Variants in FAM13A observed in about 807,000 individuals in gnomAD.
The protein encoded by FAM13A is protein FAM13A.
In FAM13A, 76 loss-of-function variants were observed where a neutral mutation model predicts 129.6. That is an observed-to-expected ratio of 0.59 (90% CI 0.49 to 0.71). The LOEUF (loss-of-function observed/expected upper bound fraction) is 0.71, where lower values mean the gene tolerates loss of function less well. FAM13A is among the 30% of genes least tolerant of loss of function. The pLI is 0.00. For missense variants in FAM13A, 1,108 were observed against 1,249.3 expected, an observed-to-expected ratio of 0.89 and a Z score of 1.70; for synonymous variants, 443 against 449.9, an observed-to-expected ratio of 0.98 and a Z score of 0.20.
chr4:88,870,221 A>T (rs1361739874), intron 6 of FAM13A, among the ~76,000 whole-genome samples: 1 of 152,146 alleles, frequency 6.6e-6, no homozygotes, highest in East Asian at 1.9e-4. Context: ...TGATCGATGC[A>T]GAAGATGGGT....
chr4:88,797,397 C>T (rs966767099), intron 8 of FAM13A, among the ~76,000 whole-genome samples: 22 of 151,894 alleles, frequency 1.4e-4, no homozygotes, highest in African/African-American at 4.6e-4. Context: ...TTCGGCCTCA[C>T]AAGAAACTGG....
chr4:88,866,743 A>G (rs1222146533), intron 6 of FAM13A, among the ~76,000 whole-genome samples: 1 of 152,202 alleles, frequency 6.6e-6, no homozygotes, highest in Non-Finnish European at 1.5e-5. Flanking sequence ...TTTGTAGAGC[A>G]GTTGGAACCT....
intron 4 of FAM13A, among the ~76,000 whole-genome samples, chr4:88,980,193 C>T (rs912962395): frequency 6.6e-6 from 1 of 152,032 alleles, no homozygotes; most frequent in Non-Finnish European, 1.5e-5. Context: ...TGTGAGCATG[C>T]AGAGAAAACA....
intron 4 of FAM13A, among the ~76,000 whole-genome samples, chr4:88,964,354 T>C (rs1395347544): frequency 1.3e-5 from 2 of 152,140 alleles, no homozygotes; most frequent in Admixed American, 6.6e-5. Context: ...AGAATGTTTC[T>C]ATAAGAAAGA....
intron 6 of FAM13A, among the ~76,000 whole-genome samples, chr4:88,877,204 T>C (rs1742683304): frequency 6.6e-6 from 1 of 152,218 alleles, no homozygotes; most frequent in South Asian, 2.1e-4. Context: ...TGTTTTTTAG[T>C]GGCAGAGTAA....
intron 5 of FAM13A, among the ~76,000 whole-genome samples, chr4:88,918,301 C>T (rs570402590): frequency 2.6e-5 from 4 of 152,290 alleles, no homozygotes; most frequent in South Asian, 4.1e-4. Flanking sequence ...ACTATGTGCA[C>T]GGTTTTCTTC....
chr4:88,816,898 A>G (rs1457667926), intron 7 of FAM13A, among the ~76,000 whole-genome samples: 1 of 152,172 alleles, frequency 6.6e-6, no homozygotes, highest in African/African-American at 2.4e-5. Flanking sequence ...TAGAGTCTAT[A>G]TTTTCATAAT....
chr4:88,872,674 A>C (rs1413943747), intron 6 of FAM13A, among the ~76,000 whole-genome samples: 1 of 152,226 alleles, frequency 6.6e-6, no homozygotes, highest in Non-Finnish European at 1.5e-5. Flanking sequence ...GTAGACCCCC[A>C]CACAATAATA....
intron 6 of FAM13A, among the ~76,000 whole-genome samples, chr4:88,891,727 C>A (rs1158737605): frequency 6.6e-6 from 1 of 152,106 alleles, no homozygotes; most frequent in Admixed American, 6.5e-5. Flanking sequence ...TTAAGAGATG[C>A]AGAAGAAAAC....
chr4:88,739,965 A>T (rs922795649), intron 19 of FAM13A, among the ~76,000 whole-genome samples: 7 of 152,134 alleles, frequency 4.6e-5, no homozygotes, highest in Non-Finnish European at 7.4e-5. Context: ...AGGGCTAAAA[A>T]ATGTTTAAAG....
chr4:88,753,691 TATAAA>T (rs761605581), intron 14 of FAM13A: 28 of 758,056 alleles, frequency 3.7e-5, no homozygotes, highest in Non-Finnish European at 4.3e-5. Flanking sequence ...TCAAAAGAGT[TATAAA>T]ATGACATGTA....
Position 88,976,634 on chromosome 4 carries a change from A to C in FAM13A, c.605+14339T>G, listed in dbSNP as rs73847211. ...CACAGCCATCAAAATGTCATAGAGC[A>C]ATTATTTTGTTATAAATTTAGTGTA... is the stretch of plus-strand genomic sequence containing the variant. On this transcript the variant is annotated intron_variant, in intron 4 of 23. Transcript: ENST00000264344. Among the ~76,000 whole-genome samples the C allele has an allele frequency of 3.1e-3, 439 of 141,292 alleles. 1 individual carries two copies. The highest frequency in any genetic ancestry group is 0.011 in the African/African-American group (413 of 36,784). 92.7% of individuals were successfully genotyped at this position (141,292 alleles called of 152,430 possible).
intron 21 of FAM13A, 142 bp from the exon 22 acceptor site, chr4:88,732,340 TAC>T: frequency 1.9e-6 from 1 of 534,116 alleles, no homozygotes; most frequent in Non-Finnish European, 3.3e-6. Context: ...ATATGTACAT[TAC>T]AGATATATTA....
chr4:88,747,685 A>G lies in FAM13A; in HGVS notation c.2328T>C (p.Ile776=), dbSNP rs139841208. The change falls in exon 18 of 24, where the codon ATT becomes ATC. Residue 776 remains isoleucine, a synonymous_variant. Coordinates refer to ENST00000264344, the MANE Select transcript of FAM13A (RefSeq NM_014883.4). Reference sequence around the variant, plus strand: ...CTCGCTTCTCCTGGAGCTTCCTCTGAATAGATTCCAATGTGGCTTCAACAC... The same window carrying G: ...CTCGCTTCTCCTGGAGCTTCCTCTGGATAGATTCCAATGTGGCTTCAACAC... ...KPSVEATLES[I]QRKLQEKRAE... is the part of the protein sequence containing the mutation. The G allele has an allele frequency of 2.8e-5, 45 of 1,614,182 alleles. No homozygotes were observed. Among genetic ancestry groups the G allele is most frequent in the Non-Finnish European group, 3.7e-5 (44 of 1,180,042 alleles).
At chr4:88,846,587 T>C (rs1322686713) in intron 7 of FAM13A, among the ~76,000 whole-genome samples, 1 of 152,270 alleles carries the variant, frequency 6.6e-6, no homozygotes. Flanking sequence ...GGCTATATTT[T>C]AGCATTTCGT....
chr4:88,805,425 T>C (rs1728358452), intron 7 of FAM13A, among the ~76,000 whole-genome samples: 1 of 152,202 alleles, frequency 6.6e-6, no homozygotes, highest in Non-Finnish European at 1.5e-5. Context: ...ATTAACATGA[T>C]GATGAAAATA....
intron 4 of FAM13A, among the ~76,000 whole-genome samples, chr4:88,953,842 T>C (rs929406256): frequency 2.6e-5 from 4 of 152,234 alleles, no homozygotes; most frequent in African/African-American, 9.6e-5. Context: ...TTTGTTTGTC[T>C]ATTCATTCAC....
intron 13 of FAM13A, among the ~76,000 whole-genome samples, chr4:88,760,898 A>G (rs575062062): frequency 6.6e-6 from 1 of 152,312 alleles, no homozygotes; most frequent in Admixed American, 6.5e-5. Context: ...GCATACAGCA[A>G]ATAAGCATTT....
At chr4:89,022,353 C>G (rs1345138751) in intron 2 of FAM13A, among the ~76,000 whole-genome samples, 1 of 152,010 alleles carries the variant, frequency 6.6e-6, no homozygotes, top group Non-Finnish European at 1.5e-5. Context: ...TATCATTACC[C>G]TCATGGACTT....
Sources: gnomAD v4.1 joint callset for allele counts (sites outside exome capture counted in the v4.1 genomes callset) on GRCh38, gnomAD v4.1.1 for gene constraint, MANE v1.5 for transcripts, NCBI Gene and HGNC (gene_info 2026-07-23, HGNC 2026-07-21) for gene names.